MAF: variants seen among roughly 807,000 people sequenced by gnomAD.
MAF encodes MAF bZIP transcription factor, also known as transcription factor Maf.
MAF carries 10 observed loss-of-function variants against 22.0 expected under a neutral mutation model. The observed-to-expected ratio is 0.45, with a 90% confidence interval of 0.28 to 0.77. The LOEUF (loss-of-function observed/expected upper bound fraction) is 0.77. MAF is among the 30% of genes least tolerant of loss of function. The pLI is 0.12. For missense variants in MAF, 544 were observed against 548.4 expected (o/e 0.99, Z 0.08); for synonymous variants, 337 against 255.8 (o/e 1.32, Z -3.03).
chr16:79,585,834 A>G (rs1024959630), downstream of MAF: 1 of 308,278 alleles, frequency 3.2e-6, no homozygotes, highest in Non-Finnish European at 5.7e-6. Context: ...GAAAAGGAAA[A>G]AAAAAAAAAA....
the MAF span, among the ~76,000 whole-genome samples, chr16:79,511,389 T>A: frequency 1.3e-5 from 2 of 152,208 alleles, no homozygotes; most frequent in African/African-American, 2.4e-5. Flanking sequence ...GGTTTACTTA[T>A]ATGAGAGTCC....
At chr16:79,450,246 T>C in the MAF span, among the ~76,000 whole-genome samples, 205 of 152,296 alleles carry the variant, frequency 1.3e-3, 2 homozygotes, top group African/African-American at 4.7e-3. Flanking sequence ...ATTTATAAAA[T>C]TGTGATTGTT....
chr16:79,375,290 T>C, the MAF span, among the ~76,000 whole-genome samples: 1 of 152,214 alleles, frequency 6.6e-6, no homozygotes, highest in African/African-American at 2.4e-5. Context: ...GTTCAAGGCA[T>C]TGATTCTGTC....
At chr16:79,342,585 T>C in the MAF span, among the ~76,000 whole-genome samples, 3 of 151,952 alleles carry the variant, frequency 2.0e-5, no homozygotes, top group East Asian at 1.9e-4. Context: ...ACCATCACTG[T>C]CACCATCACC....
At chr16:79,375,452 C>G in the MAF span, among the ~76,000 whole-genome samples, 3 of 152,124 alleles carry the variant, frequency 2.0e-5, no homozygotes, top group Non-Finnish European at 4.4e-5. Flanking sequence ...TCTTGATGTT[C>G]TTTCCCACAG....
At chr16:79,530,955 G>T in the MAF span, among the ~76,000 whole-genome samples, 2 of 152,168 alleles carry the variant, frequency 1.3e-5, no homozygotes, top group Non-Finnish European at 2.9e-5. Context: ...GTGGGGAGAG[G>T]CCCAAAGGGA....
chr16:79,550,731 T>C, the MAF span, among the ~76,000 whole-genome samples: 2 of 152,166 alleles, frequency 1.3e-5, no homozygotes, highest in African/African-American at 4.8e-5. Flanking sequence ...GGTAGGATTT[T>C]GCACCATCTA....
At chr16:79,365,650 T>C in the MAF span, among the ~76,000 whole-genome samples, 1 of 152,076 alleles carries the variant, frequency 6.6e-6, no homozygotes, top group Non-Finnish European at 1.5e-5. Context: ...CTGGTATGTA[T>C]GTGGATTGGC....
At chr16:79,597,825 C>G in intron 1 of MAF, 1 of 1,017,682 alleles carries the variant, frequency 9.8e-7, no homozygotes, top group African/African-American at 1.7e-5. Context: ...AATATAATGT[C>G]TCTTTTCCAT....
chr16:79,369,492 A>C, the MAF span, among the ~76,000 whole-genome samples: 1 of 152,224 alleles, frequency 6.6e-6, no homozygotes, highest in African/African-American at 2.4e-5. Context: ...CTCTGATTTC[A>C]CATATACTAA....
At chr16:79,236,026 G>A in the MAF span, among the ~76,000 whole-genome samples, 1 of 152,076 alleles carries the variant, frequency 6.6e-6, no homozygotes, top group South Asian at 2.1e-4. Context: ...GGAGCCCACG[G>A]GAATCTCAGC....
the MAF span, among the ~76,000 whole-genome samples, chr16:79,572,075 G>A: frequency 1.3e-5 from 2 of 152,198 alleles, no homozygotes; most frequent in African/African-American, 2.4e-5. Flanking sequence ...AATGGCTTAA[G>A]GGGATTCCAC....
At chr16:79,417,760 T>A in the MAF span, among the ~76,000 whole-genome samples, 4 of 152,174 alleles carry the variant, frequency 2.6e-5, no homozygotes, top group Non-Finnish European at 5.9e-5. Context: ...AGGAGCTTAG[T>A]TTTGTTTACA....
chr16:79,408,423 G>A, the MAF span, among the ~76,000 whole-genome samples: 2 of 152,038 alleles, frequency 1.3e-5, no homozygotes, highest in African/African-American at 2.4e-5. Context: ...TGATCTGCCC[G>A]CCTCAGCCTC....
chr16:79,300,384 G>C, the MAF span, among the ~76,000 whole-genome samples: 235 of 152,096 alleles, frequency 1.5e-3, no homozygotes, highest in Non-Finnish European at 2.6e-3. Context: ...GTGAAACCCC[G>C]TCTCTACTAA....
At chr16:79,219,548 CAAAAAAAAA>C in the MAF span, among the ~76,000 whole-genome samples, 5 of 64,710 alleles carry the variant, frequency 7.7e-5, no homozygotes, top group East Asian at 1.3e-3. Flanking sequence ...GACTCTGCCT[CAAAAAAAAA>C]AAAAAAAAAA....
the MAF span, among the ~76,000 whole-genome samples, chr16:79,470,035 G>C: frequency 2.0e-5 from 3 of 152,192 alleles, no homozygotes; most frequent in African/African-American, 7.2e-5. Context: ...GAAACGTGCG[G>C]TCTGCTCCTT....
At chr16:79,579,459 T>A in the MAF span, among the ~76,000 whole-genome samples, 1 of 152,204 alleles carries the variant, frequency 6.6e-6, no homozygotes, top group Admixed American at 6.5e-5. Flanking sequence ...AAATATTTAT[T>A]TTATGAGCAA....
chr16:79,299,635 C>T, the MAF span, among the ~76,000 whole-genome samples: 1 of 152,120 alleles, frequency 6.6e-6, no homozygotes, highest in Admixed American at 6.5e-5. Flanking sequence ...AAGTGAGGCC[C>T]TGGAGGGCCC....
Sources: gnomAD v4.1 joint callset for allele counts (sites outside exome capture counted in the v4.1 genomes callset) on GRCh38, gnomAD v4.1.1 for gene constraint, MANE v1.5 for transcripts, NCBI Gene and HGNC (gene_info 2026-07-23, HGNC 2026-07-21) for gene names.